The following FAM227B variants were observed in gnomAD, a reference collection of about 807,000 sequenced individuals.
FAM227B encodes family with sequence similarity 227 member B, also known as protein FAM227B.
A neutral mutation model predicts 73.8 loss-of-function variants in FAM227B; 88 were observed. The ratio of observed to expected loss-of-function variants is 1.19; its 90% confidence interval spans 1.00 to 1.42. The LOEUF (loss-of-function observed/expected upper bound fraction) is 1.42, where lower values mean the gene tolerates loss of function less well. FAM227B is among the 40% of genes most tolerant of loss of function. The pLI is 0.00. For synonymous variants in FAM227B, 210 were observed against 190.5 expected, an observed-to-expected ratio of 1.10 and a Z score of -0.84; for missense variants, 632 against 590.9, an observed-to-expected ratio of 1.07 and a Z score of -0.72.
intron 11 of FAM227B, among the ~76,000 whole-genome samples, chr15:49,436,052 T>C (rs993517357): frequency 3.3e-5 from 5 of 151,522 alleles, no homozygotes; most frequent in Non-Finnish European, 7.4e-5. Flanking sequence ...AGTTACTTCA[T>C]TTCACGGAAG....
chr15:49,522,535 C>G (rs781446417), intron 10 of FAM227B, among the ~76,000 whole-genome samples: 102 of 151,864 alleles, frequency 6.7e-4, no homozygotes, highest in Non-Finnish European at 1.1e-3. Flanking sequence ...AGTTGAAAAA[C>G]AACACAGATA....
At chr15:49,367,409 G>A in intron 13 of FAM227B, 39 bp downstream of exon 13, 3 of 1,473,642 alleles carry the variant, frequency 2.0e-6, no homozygotes, top group Non-Finnish European at 2.7e-6. Flanking sequence ...TATTATTTTT[G>A]AAAGAAATTA....
chr15:49,359,546 C>G lies in FAM227B; in HGVS notation c.1271+7902G>C, dbSNP rs372733433. ...AATCAAAACCACAATGAGATACCATCTCACACCAGTTAGAATGGCAATCAT... is the reference window on the plus strand; with the variant it reads ...AATCAAAACCACAATGAGATACCATGTCACACCAGTTAGAATGGCAATCAT... On this transcript the variant is annotated intron_variant, in intron 13 of 15. Transcript: ENST00000299338. Among the ~76,000 whole-genome samples, 3 of 110,562 alleles carry G rather than the reference C, an allele frequency of 2.7e-5. 1 individual carries two copies. Among genetic ancestry groups the G allele is most frequent in the Non-Finnish European group, 6.0e-5 (3 of 50,254 alleles). The allele number at this position is 110,562 out of a possible 152,430, so 72.5% of individuals were successfully genotyped here.
chr15:49,429,465 T>C (rs773383575), intron 11 of FAM227B, among the ~76,000 whole-genome samples: 7 of 152,020 alleles, frequency 4.6e-5, no homozygotes, highest in Non-Finnish European at 5.9e-5. Context: ...CTCTTTTCTC[T>C]TTTGTAAATC....
intron 11 of FAM227B, chr15:49,422,528 C>G (rs2049774550): frequency 4.6e-6 from 6 of 1,309,820 alleles, no homozygotes; most frequent in South Asian, 2.5e-5. Context: ...GTGCCCTGTT[C>G]CTTATATTAG....
chr15:49,476,659 G>A (rs1051846600), intron 11 of FAM227B, among the ~76,000 whole-genome samples: 17 of 151,938 alleles, frequency 1.1e-4, no homozygotes, highest in East Asian at 5.8e-4. Context: ...GTAAAATGTC[G>A]GTACAAATAG....
intron 10 of FAM227B, among the ~76,000 whole-genome samples, chr15:49,518,581 C>A (rs2152145761): frequency 6.6e-6 from 1 of 152,238 alleles, no homozygotes; most frequent in Non-Finnish European, 1.5e-5. Context: ...TCTTACCTGG[C>A]AGCAGGCAAG....
intron 10 of FAM227B, among the ~76,000 whole-genome samples, chr15:49,519,932 T>C (rs1488754184): frequency 1.3e-5 from 2 of 151,380 alleles, no homozygotes; most frequent in Non-Finnish European, 3.0e-5. Context: ...GCTTCCCTTT[T>C]AAACATAAAT....
At chr15:49,542,872 T>C (rs2071282215) in intron 9 of FAM227B, among the ~76,000 whole-genome samples, 2 of 151,896 alleles carry the variant, frequency 1.3e-5, no homozygotes, top group Admixed American at 1.3e-4. Context: ...TCTTTTTGTA[T>C]ATATATATAC....
Position 49,328,271 on chromosome 15 carries a change from C to A in FAM227B, c.*297G>T. On this transcript the variant is annotated 3_prime_UTR_variant, in exon 16 of 16. Coordinates refer to ENST00000299338, the MANE Select transcript of FAM227B (RefSeq NM_152647.3). ...TGTTTTGTATTATGATGAACGGTTG[C>A]TATTATATCAAGATATATTTTCAAA... The A allele has an allele frequency of 6.9e-7, 1 of 1,449,920 alleles. No homozygotes were observed. 89.8% of individuals were successfully genotyped at this position (1,449,920 alleles called of 1,614,324 possible).
intron 11 of FAM227B, among the ~76,000 whole-genome samples, chr15:49,470,285 A>G (rs1331478128): frequency 2.6e-5 from 4 of 152,150 alleles, no homozygotes; most frequent in Non-Finnish European, 5.9e-5. Context: ...TATTTTTAAA[A>G]TTAAAACACT....
At chr15:49,328,756 G>C in intron 15 of FAM227B, 81 bp from the exon 16 acceptor site, 3 of 1,460,212 alleles carry the variant, frequency 2.1e-6, no homozygotes, top group Non-Finnish European at 2.7e-6. Context: ...GATTTCTCCA[G>C]TTATCAAGAG....
At chr15:49,394,847 T>C (rs1160390771) in intron 11 of FAM227B, among the ~76,000 whole-genome samples, 1 of 152,170 alleles carries the variant, frequency 6.6e-6, no homozygotes, top group Non-Finnish European at 1.5e-5. Flanking sequence ...AATTGTTCCA[T>C]TTGTACCTTC....
chr15:49,414,667 G>C (rs929855204), intron 11 of FAM227B, among the ~76,000 whole-genome samples: 1 of 151,980 alleles, frequency 6.6e-6, no homozygotes, highest in African/African-American at 2.4e-5. Flanking sequence ...CAAAGAGGTG[G>C]ATTAGGAATA....
intron 13 of FAM227B, chr15:49,344,088 A>G (rs1259707709): frequency 6.6e-6 from 1 of 152,222 alleles, no homozygotes; most frequent in South Asian, 2.1e-4. Flanking sequence ...CTCATTTTAA[A>G]TAATTGAAGC....
At chr15:49,501,217 G>A (rs1043685728) in intron 11 of FAM227B, among the ~76,000 whole-genome samples, 3 of 152,208 alleles carry the variant, frequency 2.0e-5, no homozygotes, top group Non-Finnish European at 2.9e-5. Flanking sequence ...CTGGAAGAGT[G>A]TGGAAGGCTC....
intron 11 of FAM227B, among the ~76,000 whole-genome samples, chr15:49,467,606 T>C (rs2054379044): frequency 6.6e-6 from 1 of 152,150 alleles, no homozygotes; most frequent in Non-Finnish European, 1.5e-5. Context: ...TCACATGTTC[T>C]GGGACTATAA....
At chr15:49,459,485 T>G (rs960551948) in intron 11 of FAM227B, among the ~76,000 whole-genome samples, 1 of 152,174 alleles carries the variant, frequency 6.6e-6, no homozygotes, top group Non-Finnish European at 1.5e-5. Context: ...TGAAAAGAGA[T>G]TTTTTAAATG....
At chr15:49,383,272 T>C (rs1047458915) in intron 11 of FAM227B, among the ~76,000 whole-genome samples, 3 of 152,174 alleles carry the variant, frequency 2.0e-5, no homozygotes, top group African/African-American at 4.8e-5. Flanking sequence ...TTCACAGATA[T>C]TGCTTTTTTA....
Sources: gnomAD v4.1 joint callset for allele counts (sites outside exome capture counted in the v4.1 genomes callset) on GRCh38, gnomAD v4.1.1 for gene constraint, MANE v1.5 for transcripts, NCBI Gene and HGNC (gene_info 2026-07-23, HGNC 2026-07-21) for gene names.